Variants in ZNF257 observed in about 807,000 individuals in gnomAD.
The protein encoded by ZNF257 is bone marrow zinc finger 4.
A neutral mutation model predicts 11.9 loss-of-function variants in ZNF257; 12 were observed. That is an observed-to-expected ratio of 1.01 (90% confidence interval 0.65 to 1.63). The LOEUF is 1.63. Among genes scored for constraint, ZNF257 ranks in the 40% most tolerant of loss-of-function variants. The pLI is 0.00. For missense variants in ZNF257, 580 were observed against 665.5 expected (o/e 0.87, Z 1.41); for synonymous variants, 183 against 222.7 (o/e 0.82, Z 1.59).
intron 3 of ZNF257, among the ~76,000 whole-genome samples, chr19:22,082,778 A>AT (rs1264634848): frequency 6.6e-6 from 1 of 152,044 alleles, no homozygotes; most frequent in Non-Finnish European, 1.5e-5. Flanking sequence ...GCAATTTTAT[A>AT]TTTTTGTATT....
intron 3 of ZNF257, among the ~76,000 whole-genome samples, chr19:22,087,066 TTGTC>T (rs1448893026): frequency 3.6e-4 from 55 of 152,070 alleles, no homozygotes; most frequent in Admixed American, 2.9e-3. Context: ...TTTTCAGTAG[TTGTC>T]TGTGCTCCTT....
intron 3 of ZNF257, among the ~76,000 whole-genome samples, chr19:22,084,320 C>T (rs6511320): frequency 0.66 from 100,274 of 151,946 alleles, 33,845 homozygotes; most frequent in South Asian, 0.84. Flanking sequence ...TGAAAGTTTA[C>T]GTGTTGCATT....
At chr19:22,073,110 A>G (rs1467863505) in intron 2 of ZNF257, among the ~76,000 whole-genome samples, 175 bp downstream of exon 2, 1 of 151,638 alleles carries the variant, frequency 6.6e-6, no homozygotes, top group Admixed American at 6.6e-5. Flanking sequence ...GTCAGTGTAG[A>G]AAAAAAAATT....
chr19:22,081,395 A>G (rs1294507793), intron 3 of ZNF257, among the ~76,000 whole-genome samples: 2 of 152,014 alleles, frequency 1.3e-5, no homozygotes, highest in Non-Finnish European at 2.9e-5. Flanking sequence ...TACTATTTGC[A>G]TGGAATATAG....
chr19:22,066,630 T>G (rs1027610677), intron 1 of ZNF257, among the ~76,000 whole-genome samples: 3 of 152,196 alleles, frequency 2.0e-5, no homozygotes, highest in African/African-American at 7.2e-5. Context: ...CAACCATTTT[T>G]GTAGAAGAGT....
At chr19:22,059,278 TTCTGA>T (rs1364906855) in intron 1 of ZNF257, among the ~76,000 whole-genome samples, 4 of 152,212 alleles carry the variant, frequency 2.6e-5, no homozygotes, top group Admixed American at 6.5e-5. Flanking sequence ...CAGGTATTTT[TTCTGA>T]TCTTTTTTGT....
chr19:22,082,089 C>G (rs563564878), intron 3 of ZNF257, among the ~76,000 whole-genome samples: 1 of 151,988 alleles, frequency 6.6e-6, no homozygotes, highest in African/African-American at 2.4e-5. Context: ...AATCTCATAA[C>G]TTCAACTGAA....
At chr19:22,062,223 C>CTTTT (rs34283330) in intron 1 of ZNF257, among the ~76,000 whole-genome samples, 8 of 101,756 alleles carry the variant, frequency 7.9e-5, no homozygotes, top group African/African-American at 1.6e-4. Context: ...ACTGCGCCTG[C>CTTTT]TTTTTTTTTT....
At chr19:22,065,011 G>A (rs1209889173) in intron 1 of ZNF257, among the ~76,000 whole-genome samples, 1 of 149,510 alleles carries the variant, frequency 6.7e-6, no homozygotes, top group South Asian at 2.1e-4. Flanking sequence ...CCCAGACCAC[G>A]CCATTGCACT....
chr19:22,088,128 C>T lies in ZNF257; in HGVS notation c.378C>T (p.Cys126=). 9 of 1,610,402 alleles carry T rather than the reference C, an allele frequency of 5.6e-6. No individual in the cohort carries two copies. Among genetic ancestry groups the T allele is most frequent in the Non-Finnish European group, 7.6e-6 (9 of 1,177,910 alleles). ...AAAGTGTGGATGAGTGTAAGGTGTG[C>T]AAAGGAGGTTATAATGGACTTAACC... The part of the protein sequence containing the change: ...GCKSVDECKV[C]KGGYNGLNQC... Residue 126 remains cysteine (C), a synonymous_variant, in exon 4 of 4, where the codon TGC becomes TGT. Coordinates refer to ENST00000594947, the MANE Select transcript of ZNF257 (RefSeq NM_033468.4).
chr19:22,081,838 T>C (rs2022366566), intron 3 of ZNF257, among the ~76,000 whole-genome samples: 2 of 152,158 alleles, frequency 1.3e-5, no homozygotes, highest in East Asian at 1.9e-4. Flanking sequence ...AATTAATTTG[T>C]ATTTAAAATA....
At chr19:22,087,474 T>G in intron 3 of ZNF257, 1 of 863,642 alleles carries the variant, frequency 1.2e-6, no homozygotes, top group Non-Finnish European at 1.5e-6. Context: ...CTGTAACATT[T>G]ACCTTTGGTC....
At chr19:22,053,236 C>T (rs926269032) in intron 1 of ZNF257, among the ~76,000 whole-genome samples, 1 of 151,782 alleles carries the variant, frequency 6.6e-6, no homozygotes, top group African/African-American at 2.4e-5. Flanking sequence ...GGCGTGGTGG[C>T]ATGTGCCTAT....
At chr19:22,084,875 G>A (rs761614317) in intron 3 of ZNF257, among the ~76,000 whole-genome samples, 4 of 151,628 alleles carry the variant, frequency 2.6e-5, no homozygotes, top group South Asian at 2.1e-4. Context: ...GATTATAGGC[G>A]CATGCCACCA....
rs61426953 is a variant in ZNF257, at chr19:22,053,366, CAAAAA to C, written c.3+755_3+759del. Among the ~76,000 whole-genome samples, 364 of 76,478 alleles carry C rather than the reference CAAAAA, an allele frequency of 4.8e-3. 1 individual carries two copies. The highest frequency in any genetic ancestry group is 0.014 in the African/African-American group (330 of 24,334). The allele number at this position is 76,478 out of a possible 152,430, so 50.2% of individuals were successfully genotyped here. A position where few individuals can be genotyped will look rare whatever the true frequency, so the allele number is the denominator to read the frequency against. ...CTGAAGACAGAGCGAGACTCCGTCT[CAAAAA>C]AAAAAAAAAAAAAAAAAAAAAAATT... On this transcript the variant is annotated intron_variant, in intron 1 of 3. Transcript: ENST00000594947.
At chr19:22,071,658 T>C (rs1296791165) in intron 1 of ZNF257, among the ~76,000 whole-genome samples, 6 of 152,102 alleles carry the variant, frequency 3.9e-5, no homozygotes, top group Non-Finnish European at 8.8e-5. Flanking sequence ...GAAAAATATG[T>C]TTTTTCCCAT....
chr19:22,073,457 T>G lies in ZNF257; in HGVS notation c.131-12T>G, dbSNP rs2022152874. The G allele has an allele frequency of 6.2e-7, 1 of 1,601,848 alleles. No homozygotes were observed. The highest frequency in any genetic ancestry group is 8.5e-7 in the Non-Finnish European group (1 of 1,175,564). On this transcript the variant is annotated splice_polypyrimidine_tract_variant and intron_variant, in intron 2 of 3. Transcript: ENST00000594947. The stretch of plus-strand genomic sequence containing the variant: ...ATGAGCAAGATGCGTGTTACTTATT[T>G]TTAAAAAACAGGTATTGCTGTCTCT...
At chr19:22,074,834 A>C (rs1022524409) in intron 3 of ZNF257, among the ~76,000 whole-genome samples, 17 of 152,088 alleles carry the variant, frequency 1.1e-4, no homozygotes, top group African/African-American at 4.1e-4. Flanking sequence ...AAAAGATGTA[A>C]TCTACAAACA....
chr19:22,060,013 G>C (rs1245286130), intron 1 of ZNF257, among the ~76,000 whole-genome samples: 1 of 152,196 alleles, frequency 6.6e-6, no homozygotes, highest in Non-Finnish European at 1.5e-5. Context: ...AGAGGCATGA[G>C]TCACCATACT....
Sources: gnomAD v4.1 joint callset for allele counts (sites outside exome capture counted in the v4.1 genomes callset) on GRCh38, gnomAD v4.1.1 for gene constraint, MANE v1.5 for transcripts, NCBI Gene and HGNC (gene_info 2026-07-23, HGNC 2026-07-21) for gene names.